VHL: variants seen among roughly 807,000 people sequenced by gnomAD.
VHL encodes von Hippel-Lindau tumor suppressor.
In VHL, 10 loss-of-function variants were observed where a neutral mutation model predicts 19.2. The ratio of observed to expected loss-of-function variants is 0.52; its 90% CI spans 0.32 to 0.89. VHL has a LOEUF of 0.89. Among genes scored for constraint, VHL ranks in the 40% least tolerant of loss-of-function variants. VHL has a pLI of 0.03. For synonymous variants in VHL, 167 were observed against 129.5 expected (o/e 1.29, Z -1.97); for missense variants, 328 against 292.7 (o/e 1.12, Z -0.88).
In VHL at chr3:10,149,863, C is replaced by T. The variant is rs374927292; in HGVS notation, c.540C>T (p.Ile180=). 7.4e-6 allele frequency: 12 copies of T among 1,614,050 alleles called. No homozygotes were observed. The highest frequency in any genetic ancestry group is 5.0e-5 in the Admixed American group (3 of 59,994). The change falls in exon 3 of 3, where the codon ATC becomes ATT. Residue 180 remains isoleucine (I), a synonymous_variant. Coordinates refer to ENST00000256474, the MANE Select transcript of VHL (RefSeq NM_000551.4). ...CTGAGAATTACAGGAGACTGGACAT[C>T]GTCAGGTCGCTCTACGAAGATCTGG... ...VKPENYRRLD[I]VRSLYEDLED...
Position 10,150,297 on chromosome 3 carries a change from A to AT in VHL, c.*336dup. The AT allele has an allele frequency of 2.4e-6, 3 of 1,275,524 alleles. No homozygotes were observed. The highest frequency in any genetic ancestry group is 3.0e-6 in the Non-Finnish European group (3 of 998,268). The allele number at this position is 1,275,524 out of a possible 1,614,324, so 79.0% of individuals were successfully genotyped here. Reference sequence around the variant, plus strand: ...AGTGGGAATTGCAGCATATCGTTTAATTTTAAGAAGGCATTGGCATCTGCT... The same window carrying AT: ...AGTGGGAATTGCAGCATATCGTTTAATTTTTAAGAAGGCATTGGCATCTGCT... On this transcript the variant is annotated 3_prime_UTR_variant, in exon 3 of 3. Coordinates refer to ENST00000256474, the MANE Select transcript of VHL (RefSeq NM_000551.4).
chr3:10,143,504 G>A (rs1696179073), intron 1 of VHL, among the ~76,000 whole-genome samples: 1 of 152,090 alleles, frequency 6.6e-6, no homozygotes, highest in Non-Finnish European at 1.5e-5. Context: ...CTGGAGTGCT[G>A]TTGCACAATC....
Position 10,146,637 on chromosome 3 carries a change from G to A in VHL, c.463+1G>A, listed in dbSNP as rs869025657. On this transcript the variant is annotated splice_donor_variant, in intron 2 of 2. Coordinates refer to ENST00000256474, the MANE Select transcript of VHL (RefSeq NM_000551.4). LOFTEE classifies it high-confidence loss of function. ...ATTTTTGCCAATATCACACTGCCAG[G>A]TACTGACGTTTTACTTTTTAAAAAG... is the stretch of plus-strand genomic sequence containing the variant. The A allele has an allele frequency of 6.2e-7, 1 of 1,613,554 alleles. No homozygotes were observed.
At chr3:10,142,668 T>C (rs1239969755) in intron 1 of VHL, 1 of 168,330 alleles carries the variant, frequency 5.9e-6, no homozygotes, top group Non-Finnish European at 1.3e-5. Flanking sequence ...TAAGGCCGAA[T>C]AGTTTGCATT....
At position 10,142,830 on chromosome 3, in the gene VHL, G is replaced by T. The variant is rs1165627970; in HGVS notation, c.340+643G>T. 6.6e-6 allele frequency: 1 copy of T among 152,442 alleles called. No homozygotes were observed. The highest frequency in any genetic ancestry group is 2.4e-5 in the African/African-American group (1 of 41,454). 9.4% of individuals were successfully genotyped at this position (152,442 alleles called of 1,614,324 possible). ...TCGTGGAGAACACATTCCTCCTGGG[G>T]AGACTGACAGATGCAAAGACAGGAA... On this transcript the variant is annotated intron_variant, in intron 1 of 2. Coordinates refer to ENST00000256474, the MANE Select transcript of VHL (RefSeq NM_000551.4).
At chr3:10,149,456 A>T (rs1223314347) in intron 2 of VHL, among the ~76,000 whole-genome samples, 1 of 152,184 alleles carries the variant, frequency 6.6e-6, no homozygotes, top group Admixed American at 6.5e-5. Flanking sequence ...AGGGTAGCTC[A>T]GGGCTTTCAA....
chr3:10,150,327 A>G lies in VHL; in HGVS notation c.*362A>G. The G allele has an allele frequency of 7.9e-7, 1 of 1,266,790 alleles. No homozygotes were observed. The highest frequency in any genetic ancestry group is 1.0e-6 in the Non-Finnish European group (1 of 992,626). 78.5% of individuals were successfully genotyped at this position (1,266,790 alleles called of 1,614,324 possible). On this transcript the variant is annotated 3_prime_UTR_variant, in exon 3 of 3. Transcript: ENST00000256474. ...AAGAAGGCATTGGCATCTGCTTTTAATGGATGTATAATACATCCATTCTAC... is the reference window on the plus strand; with the variant it reads ...AAGAAGGCATTGGCATCTGCTTTTAGTGGATGTATAATACATCCATTCTAC...
At chr3:10,144,867 C>T (rs1696218359) in intron 1 of VHL, among the ~76,000 whole-genome samples, 4 of 151,758 alleles carry the variant, frequency 2.6e-5, no homozygotes, top group Admixed American at 2.6e-4. Flanking sequence ...CCATAGAGAC[C>T]TCGTCTTAAA....
intron 2 of VHL, among the ~76,000 whole-genome samples, chr3:10,148,122 C>A (rs1350827252): frequency 6.6e-6 from 1 of 151,536 alleles, no homozygotes; most frequent in African/African-American, 2.4e-5. Context: ...AACTCAAAAA[C>A]CCCCCAAATA....
intron 2 of VHL, among the ~76,000 whole-genome samples, chr3:10,147,261 A>G (rs1575928966): frequency 6.6e-6 from 1 of 151,426 alleles, no homozygotes; most frequent in Non-Finnish European, 1.5e-5. Context: ...CTGCCCGCCT[A>G]CGCCTCCCAA....
In VHL at chr3:10,153,047, C is replaced by T. The variant is rs899159972; in HGVS notation, c.*3082C>T. On this transcript the variant is annotated 3_prime_UTR_variant, in exon 3 of 3. Transcript: ENST00000256474. ...ATCCCAGCACTTTGGGAGGCCTAGGCGGGTGGATCACGAGGTCAGGAAATC... is the reference window on the plus strand; with the variant it reads ...ATCCCAGCACTTTGGGAGGCCTAGGTGGGTGGATCACGAGGTCAGGAAATC... Among the ~76,000 whole-genome samples the T allele has an allele frequency of 1.3e-4, 19 of 151,858 alleles. No homozygotes were observed. The highest frequency in any genetic ancestry group is 2.8e-4 in the Non-Finnish European group (19 of 67,952).
rs2125125517 is a variant in VHL, at chr3:10,142,244, C to A, written c.340+57C>A. On this transcript the variant is annotated intron_variant, in intron 1 of 2. Coordinates refer to ENST00000256474, the MANE Select transcript of VHL (RefSeq NM_000551.4). ...AGGGACGATAGCACGGTCTGAAGCC[C>A]CTCTACCGCCCCGGGGTCCATTTTG... 1.3e-6 allele frequency: 2 copies of A among 1,547,962 alleles called. 1 individual carries two copies. The highest frequency in any genetic ancestry group is 2.3e-5 in the South Asian group (2 of 85,568).
rs757106274 is a variant in VHL at position 10,152,060 on chromosome 3, C to CAA, written c.*2116_*2117dup. 5.4e-3 allele frequency: 483 copies of CAA among 89,118 alleles called. 5 individuals are homozygous for CAA. Among genetic ancestry groups the CAA allele is most frequent in the African/African-American group, 0.018 (463 of 25,724 alleles). The allele number at this position is 89,118 out of a possible 1,614,324, so 5.5% of individuals were successfully genotyped here. On this transcript the variant is annotated 3_prime_UTR_variant, in exon 3 of 3. Coordinates refer to ENST00000256474, the MANE Select transcript of VHL (RefSeq NM_000551.4). The stretch of plus-strand genomic sequence containing the variant: ...TGGGGGACAGAGCAAGACCCTGCCT[C>CAA]AAAAAAAAAAAAAAAAAAAAAATCA...
intron 2 of VHL, among the ~76,000 whole-genome samples, chr3:10,149,418 C>T (rs1696345097): frequency 6.6e-6 from 1 of 152,168 alleles, no homozygotes; most frequent in Non-Finnish European, 1.5e-5. Context: ...TGGCCAGGGC[C>T]TGTTCCTCTT....
chr3:10,142,286 G>A, intron 1 of VHL, 99 bp downstream of exon 1: 1 of 1,369,258 alleles, frequency 7.3e-7, no homozygotes, highest in Non-Finnish European at 1.0e-6. Flanking sequence ...GGGAACTGAG[G>A]CCCCTTGAGG....
In VHL at chr3:10,149,972, C is replaced by A. The variant is rs778005138; in HGVS notation, c.*7C>A. 1.9e-5 allele frequency: 30 copies of A among 1,611,826 alleles called. No homozygotes were observed. The highest frequency in any genetic ancestry group is 2.2e-5 in the East Asian group (1 of 44,812). ...TCAACGGATGGGAGATTGAAGATTT[C>A]TGTTGAAACTTACACTGTTTCATCT... On this transcript the variant is annotated 3_prime_UTR_variant, in exon 3 of 3. Coordinates refer to ENST00000256474, the MANE Select transcript of VHL (RefSeq NM_000551.4).
At position 10,141,835 on chromosome 3, in the gene VHL, G is replaced by T. The variant is rs1057522448; in HGVS notation, c.-13G>T. On this transcript the variant is annotated 5_prime_UTR_variant, in exon 1 of 3. Transcript: ENST00000256474. Reference sequence around the variant, plus strand: ...CGCGGCGTCCGGCCCGGGTGGTCTGGATCGCGGAGGGAATGCCCCGGAGGG... The same window carrying T: ...CGCGGCGTCCGGCCCGGGTGGTCTGTATCGCGGAGGGAATGCCCCGGAGGG... 2.0e-6 allele frequency: 3 copies of T among 1,536,700 alleles called. No individual in the cohort carries two copies. Among genetic ancestry groups the T allele is most frequent in the East Asian group, 2.5e-5 (1 of 40,582 alleles).
In VHL at chr3:10,141,885, T is replaced by C. The variant is rs1553619289; in HGVS notation, c.38T>C (p.Val13Ala). 1 of 1,532,742 alleles carries C rather than the reference T, an allele frequency of 6.5e-7. No homozygotes were observed. Among genetic ancestry groups the C allele is most frequent in the Non-Finnish European group, 8.8e-7 (1 of 1,137,578 alleles). 94.9% of individuals were successfully genotyped at this position (1,532,742 alleles called of 1,614,324 possible). A position where few individuals can be genotyped will look rare whatever the true frequency, so the allele number is the denominator to read the frequency against. Reference sequence around the variant, plus strand: ...GCGGAGAACTGGGACGAGGCCGAGGTAGGCGCGGAGGAGGCAGGCGTCGAA... The same window carrying C: ...GCGGAGAACTGGGACGAGGCCGAGGCAGGCGCGGAGGAGGCAGGCGTCGAA... ...RRAENWDEAE[V>A]GAEEAGVEEY... Residue 13 changes from valine to alanine, a missense_variant, in exon 1 of 3, where the codon GTA becomes GCA. Val to Ala is a moderately conservative substitution (Grantham distance 64). Coordinates refer to ENST00000256474, the MANE Select transcript of VHL (RefSeq NM_000551.4).
At chr3:10,148,594 G>T (rs867553601) in intron 2 of VHL, among the ~76,000 whole-genome samples, 1 of 151,696 alleles carries the variant, frequency 6.6e-6, no homozygotes, top group African/African-American at 2.4e-5. Flanking sequence ...GATTACAGGC[G>T]TGAGCCACCG....
Sources: gnomAD v4.1 joint callset for allele counts (sites outside exome capture counted in the v4.1 genomes callset) on GRCh38, gnomAD v4.1.1 for gene constraint, MANE v1.5 for transcripts, NCBI Gene and HGNC (gene_info 2026-07-23, HGNC 2026-07-21) for gene names.